Variants in XKR6 observed in about 807,000 individuals in gnomAD.
XKR6 encodes the protein XK-related protein 6.
A neutral mutation model predicts 56.7 loss-of-function variants in XKR6; 22 were observed. The observed-to-expected ratio is 0.39, with a 90% confidence interval of 0.28 to 0.55. The LOEUF is 0.55. XKR6 is among the 20% of genes least tolerant of loss of function. The pLI is 0.66. For synonymous variants in XKR6, 524 were observed against 387.8 expected, an observed-to-expected ratio of 1.35 and a Z score of -4.13; for missense variants, 852 against 889.0, an observed-to-expected ratio of 0.96 and a Z score of 0.53.
Position 10,930,572 on chromosome 8 carries a change from C to T in XKR6, c.765-5742G>A, listed in dbSNP as rs1801023999. Among the ~76,000 whole-genome samples the T allele has an allele frequency of 3.3e-5, 5 of 152,178 alleles. No individual in the cohort carries two copies. The South Asian group carries it at 1.0e-3, about 32-fold the overall frequency. The stretch of plus-strand genomic sequence containing the variant: ...CAACAAAATATTAGCAAATTAAATC[C>T]AGTAATATATGGAAAGAACAATGTA... On this transcript the variant is annotated intron_variant, in intron 1 of 2. Coordinates refer to ENST00000416569, the MANE Select transcript of XKR6 (RefSeq NM_173683.4).
At chr8:11,150,552 T>A (rs1440945603) in intron 1 of XKR6, among the ~76,000 whole-genome samples, 1 of 152,130 alleles carries the variant, frequency 6.6e-6, no homozygotes, top group African/African-American at 2.4e-5. Flanking sequence ...GACAGAATGA[T>A]CTCTTAAAAT....
chr8:11,094,923 A>G (rs1251911831), intron 1 of XKR6, among the ~76,000 whole-genome samples: 1 of 152,204 alleles, frequency 6.6e-6, no homozygotes, highest in African/African-American at 2.4e-5. Context: ...AAGAGCAGCT[A>G]GTGGGTGCTG....
At chr8:10,908,561 G>C (rs1378239663) in intron 2 of XKR6, among the ~76,000 whole-genome samples, 1 of 151,960 alleles carries the variant, frequency 6.6e-6, no homozygotes, top group Non-Finnish European at 1.5e-5. Context: ...CCTCTGCCTG[G>C]AATGCTCTTC....
intron 1 of XKR6, among the ~76,000 whole-genome samples, chr8:10,930,055 C>T (rs1801010724): frequency 6.6e-6 from 1 of 151,758 alleles, no homozygotes; most frequent in Non-Finnish European, 1.5e-5. Flanking sequence ...TGAAGCCACA[C>T]CGTCAGTCAT....
At chr8:10,964,395 C>G (rs2129131698) in intron 1 of XKR6, among the ~76,000 whole-genome samples, 1 of 152,288 alleles carries the variant, frequency 6.6e-6, no homozygotes, top group East Asian at 1.9e-4. Context: ...GGAGCTTAGA[C>G]CTGGAGGCTC....
At chr8:11,056,600 T>C (rs1014660599) in intron 1 of XKR6, among the ~76,000 whole-genome samples, 1 of 152,172 alleles carries the variant, frequency 6.6e-6, no homozygotes, top group African/African-American at 2.4e-5. Context: ...TCCCCGGAAC[T>C]GGGGAAGGGC....
intron 1 of XKR6, among the ~76,000 whole-genome samples, chr8:11,102,432 T>G (rs1311696462): frequency 1.3e-5 from 2 of 152,224 alleles, no homozygotes; most frequent in Non-Finnish European, 2.9e-5. Flanking sequence ...CCAGCTGCAC[T>G]GTGCTTCTCA....
At chr8:11,173,343 TA>T (rs200300227) in intron 1 of XKR6, among the ~76,000 whole-genome samples, 48 of 138,066 alleles carry the variant, frequency 3.5e-4, no homozygotes, top group Admixed American at 1.4e-4. Context: ...GACTCCGCCT[TA>T]AAAAAAATAT....
intron 1 of XKR6, among the ~76,000 whole-genome samples, chr8:11,008,417 G>T (rs796702041): frequency 9.3e-5 from 10 of 107,938 alleles, no homozygotes; most frequent in African/African-American, 4.4e-4. Context: ...GGCTCCCCAG[G>T]CTTTTTTTTT....
chr8:11,185,493 G>C (rs939451042), intron 1 of XKR6, among the ~76,000 whole-genome samples: 5 of 152,166 alleles, frequency 3.3e-5, no homozygotes, highest in African/African-American at 1.2e-4. Context: ...GGGTTTTAGA[G>C]TAAATTTCTA....
rs1420417251 is a variant in XKR6 at position 11,133,843 on chromosome 8, T to TA, written c.764+66732dup. 2.0e-5 allele frequency among the ~76,000 whole-genome samples: 3 copies of TA among 152,172 alleles called. No individual in the cohort carries two copies. In the East Asian group the frequency reaches 5.8e-4, roughly 29 times the overall value. On this transcript the variant is annotated intron_variant, in intron 1 of 2. Transcript: ENST00000416569. ...TATGCTTTCCATTATATCATAGACC[T>TA]ATTCAGACCATGTCGGCTCCTACTA...
chr8:11,082,463 A>T (rs1173506722), intron 1 of XKR6, among the ~76,000 whole-genome samples: 1 of 152,224 alleles, frequency 6.6e-6, no homozygotes, highest in Non-Finnish European at 1.5e-5. Context: ...GTGCCCAGAG[A>T]GGCCTGCATA....
At chr8:11,115,983 G>A (rs1450181608) in intron 1 of XKR6, among the ~76,000 whole-genome samples, 1 of 152,188 alleles carries the variant, frequency 6.6e-6, no homozygotes, top group African/African-American at 2.4e-5. Context: ...ATATACTGCA[G>A]TTTATGCTTA....
At chr8:11,017,259 G>A (rs564264353) in intron 1 of XKR6, among the ~76,000 whole-genome samples, 7 of 152,344 alleles carry the variant, frequency 4.6e-5, no homozygotes, top group South Asian at 4.1e-4. Flanking sequence ...ATGGATATGC[G>A]TATAGATATA....
intron 1 of XKR6, among the ~76,000 whole-genome samples, chr8:11,127,154 C>A (rs949215084): frequency 5.9e-5 from 9 of 152,168 alleles, no homozygotes; most frequent in Non-Finnish European, 7.4e-5. Context: ...TTCCGGCAAT[C>A]CCACTTCTTA....
chr8:11,121,498 C>A (rs1021786003), intron 1 of XKR6, among the ~76,000 whole-genome samples: 3 of 152,206 alleles, frequency 2.0e-5, no homozygotes, highest in African/African-American at 7.2e-5. Flanking sequence ...CCATCTCACA[C>A]CTGTTAGAAT....
intron 1 of XKR6, among the ~76,000 whole-genome samples, chr8:11,127,812 C>G (rs529248634): frequency 6.6e-6 from 1 of 152,102 alleles, no homozygotes; most frequent in Non-Finnish European, 1.5e-5. Context: ...CTGCGGGGGG[C>G]GCCATTAATG....
chr8:10,993,653 C>A (rs1340872709), intron 1 of XKR6, among the ~76,000 whole-genome samples: 1 of 152,228 alleles, frequency 6.6e-6, no homozygotes, highest in African/African-American at 2.4e-5. Flanking sequence ...AATCTCCCTT[C>A]TGCCCTGCTC....
Position 11,114,725 on chromosome 8 carries a change from A to ATGTGTGTG in XKR6, c.764+85850_764+85851insCACACACA, listed in dbSNP as rs1491486493. Among the ~76,000 whole-genome samples, 729 of 77,672 alleles carry ATGTGTGTG rather than the reference A, an allele frequency of 9.4e-3. 7 individuals carry two copies. The highest frequency in any genetic ancestry group is 0.038 in the African/African-American group (672 of 17,654). The allele number at this position is 77,672 out of a possible 152,430, so 51.0% of individuals were successfully genotyped here. ...TAATGAAGTCAGCTACTTAGATCAC[A>ATGTGTGTG]TATGTGTGTGTGTGTGTGTGTGTGT... On this transcript the variant is annotated intron_variant, in intron 1 of 2. Coordinates refer to ENST00000416569, the MANE Select transcript of XKR6 (RefSeq NM_173683.4).
Sources: gnomAD v4.1 joint callset for allele counts (sites outside exome capture counted in the v4.1 genomes callset) on GRCh38, gnomAD v4.1.1 for gene constraint, MANE v1.5 for transcripts, NCBI Gene and HGNC (gene_info 2026-07-23, HGNC 2026-07-21) for gene names.